The following KCNIP3 variants were observed in gnomAD, a reference collection of about 807,000 sequenced individuals.
KCNIP3 encodes potassium voltage-gated channel interacting protein 3, also known as calsenilin.
In KCNIP3, 28 loss-of-function variants were observed where a neutral mutation model predicts 35.0. The observed-to-expected ratio is 0.80, with a 90% confidence interval of 0.59 to 1.10. KCNIP3 has a LOEUF of 1.10. KCNIP3 is among the 50% of genes least tolerant of loss of function. The pLI is 0.00. For synonymous variants in KCNIP3, 134 were observed against 133.8 expected (o/e 1.00, Z -0.01); for missense variants, 295 against 338.4 (o/e 0.87, Z 1.01).
At chr2:95,331,651 C>A (rs1678930006) in intron 2 of KCNIP3, among the ~76,000 whole-genome samples, 1 of 152,206 alleles carries the variant, frequency 6.6e-6, no homozygotes, top group South Asian at 2.1e-4. Context: ...GCTATTGTTT[C>A]TTCTGTTCAG....
chr2:95,382,255 C>G lies in KCNIP3; in HGVS notation c.556-122C>G. On this transcript the variant is annotated intron_variant, in intron 6 of 8. Transcript: ENST00000295225. This position sits in a 1 kb window ranked among gnomAD's most constrained non-coding sequence, Gnocchi z 4.5. ...AGCGGACAGGCTTCTCTCTCCAGCT[C>G]GTCCGGCCCCTCGCACTCACTGCCT... The G allele has an allele frequency of 1.9e-6, 1 of 530,080 alleles. No individual in the cohort carries two copies. Among genetic ancestry groups the G allele is most frequent in the South Asian group, 3.3e-5 (1 of 30,442 alleles). The allele number at this position is 530,080 out of a possible 1,614,324, so 32.8% of individuals were successfully genotyped here. A position where few individuals can be genotyped will look rare whatever the true frequency, so the allele number is the denominator to read the frequency against.
rs1303634730 is a variant in KCNIP3, at chr2:95,378,505, C to T, written c.448-3091C>T. On this transcript the variant is annotated intron_variant, in intron 5 of 8. Transcript: ENST00000295225. The surrounding 1 kb of genome is among the most constrained non-coding windows in gnomAD (Gnocchi z 4.0). ...ATCCCAGCACTTTGAGAGGCCAAGG[C>T]GGTCAGATCACCTGAGGTCAGGAGT... 6.6e-6 allele frequency among the ~76,000 whole-genome samples: 1 copy of T among 151,290 alleles called. No individual in the cohort carries two copies. The highest frequency in any genetic ancestry group is 1.5e-5 in the Non-Finnish European group (1 of 67,932).
intron 2 of KCNIP3, chr2:95,312,319 G>A (rs1678340599): frequency 6.6e-6 from 1 of 152,342 alleles, no homozygotes; most frequent in African/African-American, 2.4e-5. Context: ...TGCTGAGTGG[G>A]GTGGACGGGG....
At chr2:95,322,205 A>G (rs1202555209) in intron 2 of KCNIP3, among the ~76,000 whole-genome samples, 1 of 152,120 alleles carries the variant, frequency 6.6e-6, no homozygotes, top group Non-Finnish European at 1.5e-5. Flanking sequence ...CTCTACAAAA[A>G]ATACAAAAAT....
In KCNIP3 at chr2:95,340,338, AAAAC is replaced by A. The variant is rs3076105; in HGVS notation, c.181+29841_181+29844del. On this transcript the variant is annotated intron_variant, in intron 2 of 8. Transcript: ENST00000295225. ...GCAAAAAGGGTGAAACTCCATCTCA[AAAAC>A]AAACAAACAAACAAACAAACAACAA... Among the ~76,000 whole-genome samples, 279 of 150,706 alleles carry A rather than the reference AAAAC, an allele frequency of 1.9e-3. 2 individuals carry two copies. The highest frequency in any genetic ancestry group is 3.5e-3 in the African/African-American group (143 of 40,976).
chr2:95,325,963 T>A (rs1470060505), intron 2 of KCNIP3, among the ~76,000 whole-genome samples: 6 of 127,220 alleles, frequency 4.7e-5, no homozygotes, highest in East Asian at 2.5e-4. Flanking sequence ...ATACACACAC[T>A]CATAGGCACA....
chr2:95,308,040 G>A lies in KCNIP3; in HGVS notation c.16-2315G>A, dbSNP rs144334264. 9.8e-5 allele frequency among the ~76,000 whole-genome samples: 15 copies of A among 152,334 alleles called. No homozygotes were observed. In the East Asian group the frequency reaches 2.7e-3, roughly 27 times the overall value. On this transcript the variant is annotated intron_variant, in intron 1 of 8. Transcript: ENST00000295225. The stretch of plus-strand genomic sequence containing the variant: ...CACATGTGCATATGAGCATGTGTAC[G>A]TGTGTGTGCCTATGCATGTGTGCTT...
chr2:95,354,797 TC>T (rs1241767663), intron 2 of KCNIP3, among the ~76,000 whole-genome samples: 4 of 152,122 alleles, frequency 2.6e-5, no homozygotes, highest in Non-Finnish European at 5.9e-5. Context: ...TGCTCTCCTT[TC>T]CCCCAACACC....
intron 5 of KCNIP3, 71 bp downstream of exon 5, chr2:95,375,279 C>A: frequency 7.2e-7 from 1 of 1,386,030 alleles, no homozygotes; most frequent in Non-Finnish European, 1.0e-6. Context: ...ACCCTGGCGT[C>A]ACTGTCAGGG....
intron 2 of KCNIP3, among the ~76,000 whole-genome samples, chr2:95,348,349 G>A (rs1026168883): frequency 1.3e-5 from 2 of 152,210 alleles, no homozygotes; most frequent in African/African-American, 2.4e-5. Context: ...AGTGTGGAGG[G>A]GTGAGCGTCC....
intron 2 of KCNIP3, among the ~76,000 whole-genome samples, chr2:95,336,711 A>T (rs1208988460): frequency 1.3e-5 from 2 of 152,212 alleles, no homozygotes; most frequent in Admixed American, 1.3e-4. Flanking sequence ...GGCAAATCAC[A>T]CCGTTCCTGT....
chr2:95,337,936 AAC>A (rs1368979393), intron 2 of KCNIP3, among the ~76,000 whole-genome samples: 1 of 152,206 alleles, frequency 6.6e-6, no homozygotes, highest in African/African-American at 2.4e-5. Context: ...GTCCAGGCCC[AAC>A]CACGGGGCTA....
At chr2:95,373,879 G>A (rs1228962257) in intron 2 of KCNIP3, among the ~76,000 whole-genome samples, 16 of 152,226 alleles carry the variant, frequency 1.1e-4, no homozygotes, top group Non-Finnish European at 4.4e-5. Context: ...TCCATTCCTG[G>A]GGAAAGTCAG....
chr2:95,341,245 CCCCT>C (rs1382779043), intron 2 of KCNIP3, among the ~76,000 whole-genome samples: 4 of 152,132 alleles, frequency 2.6e-5, no homozygotes, highest in Admixed American at 6.5e-5. Flanking sequence ...TGGCACCTCC[CCCCT>C]CACTCTCTTT....
At chr2:95,323,413 C>A (rs1260554302) in intron 2 of KCNIP3, among the ~76,000 whole-genome samples, 1 of 152,178 alleles carries the variant, frequency 6.6e-6, no homozygotes, top group Non-Finnish European at 1.5e-5. Context: ...GGCAGAACTG[C>A]GGTGGCAGAG....
At chr2:95,312,539 G>T (rs1041827334) in intron 2 of KCNIP3, 2 of 152,390 alleles carry the variant, frequency 1.3e-5, no homozygotes, top group African/African-American at 4.8e-5. Context: ...GGGCACCAGC[G>T]ATGGGTTTGT....
At chr2:95,371,922 A>G (rs1196370003) in intron 2 of KCNIP3, among the ~76,000 whole-genome samples, 3 of 150,706 alleles carry the variant, frequency 2.0e-5, no homozygotes, top group Non-Finnish European at 4.4e-5. Flanking sequence ...CTCCTGCCTC[A>G]GCCTCCTGAG....
intron 2 of KCNIP3, among the ~76,000 whole-genome samples, chr2:95,338,031 G>A (rs1300237165): frequency 2.6e-5 from 4 of 152,204 alleles, no homozygotes; most frequent in Admixed American, 2.0e-4. Flanking sequence ...CCTGTGGGAG[G>A]AGACACGGGC....
rs1680243092 is a variant in KCNIP3 at position 95,377,855 on chromosome 2, T to TG, written c.447+2648dup. 6.6e-6 allele frequency among the ~76,000 whole-genome samples: 1 copy of TG among 152,170 alleles called. No individual in the cohort carries two copies. ...TTCCTCAGCTGCTAGCAGCAGGCTCTGTGGCTGAACATGAGGGCTTCTCCG... is the reference window on the plus strand; with the variant it reads ...TTCCTCAGCTGCTAGCAGCAGGCTCTGGTGGCTGAACATGAGGGCTTCTCCG... On this transcript the variant is annotated intron_variant, in intron 5 of 8. Transcript: ENST00000295225. The surrounding 1 kb of genome is among the most constrained non-coding windows in gnomAD (Gnocchi z 4.7).
Sources: gnomAD v4.1 joint callset for allele counts (sites outside exome capture counted in the v4.1 genomes callset) on GRCh38, gnomAD v4.1.1 for gene constraint, Gnocchi (gnomAD v3.1) non-coding constraint, MANE v1.5 for transcripts, NCBI Gene and HGNC (gene_info 2026-07-23, HGNC 2026-07-21) for gene names.